Variants in BACE2 observed in about 807,000 individuals in gnomAD.
BACE2 encodes the protein beta-secretase 2.
In BACE2, 17 loss-of-function variants were observed where a neutral mutation model predicts 46.2. The ratio of observed to expected loss-of-function variants is 0.37; its 90% CI spans 0.25 to 0.55. The LOEUF is 0.55. Ranked by LOEUF, BACE2 falls within the 20% of genes least tolerant of loss-of-function variation. The pLI is 0.82. For missense variants in BACE2, 595 were observed against 698.1 expected (o/e 0.85, Z 1.66); for synonymous variants, 277 against 295.9 (o/e 0.94, Z 0.66).
At chr21:41,177,396 AG>A in intron 1 of BACE2, 1 of 152,402 alleles carries the variant, frequency 6.6e-6, no homozygotes. Flanking sequence ...AAAATAAGGC[AG>A]CCCTTCCCTC....
chr21:41,201,859 A>G (rs376747127), intron 1 of BACE2, among the ~76,000 whole-genome samples: 2 of 152,230 alleles, frequency 1.3e-5, no homozygotes, highest in Non-Finnish European at 2.9e-5. Context: ...GCAGTAATCA[A>G]TATTTCCCAA....
intron 1 of BACE2, among the ~76,000 whole-genome samples, chr21:41,210,497 T>G (rs914180): frequency 1.3e-5 from 2 of 152,048 alleles, no homozygotes; most frequent in Admixed American, 1.3e-4. Context: ...TCTGTTCTCA[T>G]GGCACAGCGT....
chr21:41,216,134 C>G (rs1986459977), intron 1 of BACE2, among the ~76,000 whole-genome samples: 1 of 152,068 alleles, frequency 6.6e-6, no homozygotes, highest in South Asian at 2.1e-4. Flanking sequence ...GTGGTTGAGG[C>G]TACTTGTGAA....
rs891577259 is a variant in BACE2, at chr21:41,278,715, A to G, written c.*3091A>G. 9 of 152,172 alleles carry G rather than the reference A, an allele frequency of 5.9e-5. No individual in the cohort carries two copies. The highest frequency in any genetic ancestry group is 2.2e-4 in the African/African-American group (9 of 41,444). The allele number at this position is 152,172 out of a possible 1,614,324, so 9.4% of individuals were successfully genotyped here. ...CCATCATTTCATTTAAGAGGTGAAG[A>G]GGGATTTAATTATTTAATACGCCGG... is the stretch of plus-strand genomic sequence containing the variant. On this transcript the variant is annotated 3_prime_UTR_variant, in exon 9 of 9. Coordinates refer to ENST00000330333, the MANE Select transcript of BACE2 (RefSeq NM_012105.5).
At chr21:41,232,699 C>T (rs115526096) in intron 2 of BACE2, among the ~76,000 whole-genome samples, 2,289 of 152,230 alleles carry the variant, frequency 0.015, 65 homozygotes, top group African/African-American at 0.052. Context: ...CCCCTTCGCC[C>T]TCCACCTTGA....
At chr21:41,206,926 CT>C (rs1350180344) in intron 1 of BACE2, among the ~76,000 whole-genome samples, 2 of 152,094 alleles carry the variant, frequency 1.3e-5, no homozygotes, top group Admixed American at 1.3e-4. Flanking sequence ...TTATCTCTTT[CT>C]TTTTTTATGT....
At chr21:41,221,056 A>AC (rs1208214979) in intron 1 of BACE2, among the ~76,000 whole-genome samples, 4 of 151,750 alleles carry the variant, frequency 2.6e-5, no homozygotes, top group Admixed American at 6.6e-5. Context: ...AAAAAAAAAA[A>AC]AAAAAACAGT....
At chr21:41,209,466 T>C (rs2123543434) in intron 1 of BACE2, among the ~76,000 whole-genome samples, 1 of 152,296 alleles carries the variant, frequency 6.6e-6, no homozygotes, top group East Asian at 1.9e-4. Context: ...AGTGCAGAGA[T>C]AAGGAATGCC....
At chr21:41,176,490 C>T (rs1212540741) in intron 1 of BACE2, 2 of 152,296 alleles carry the variant, frequency 1.3e-5, no homozygotes, top group African/African-American at 4.8e-5. Context: ...TTTAAGCAGC[C>T]ACGCTGGCCC....
chr21:41,231,135 GAT>G (rs1986957965), intron 2 of BACE2, among the ~76,000 whole-genome samples: 1 of 152,174 alleles, frequency 6.6e-6, no homozygotes, highest in African/African-American at 2.4e-5. Flanking sequence ...AATGAGGACA[GAT>G]ATTTTTACCT....
chr21:41,250,479 G>A (rs1987605384), intron 6 of BACE2, among the ~76,000 whole-genome samples: 1 of 152,218 alleles, frequency 6.6e-6, no homozygotes, highest in East Asian at 1.9e-4. Context: ...CTATCACACT[G>A]GTTGAGAATT....
At chr21:41,174,878 A>G (rs1984753796) in intron 1 of BACE2, among the ~76,000 whole-genome samples, 1 of 152,128 alleles carries the variant, frequency 6.6e-6, no homozygotes, top group Non-Finnish European at 1.5e-5. Context: ...TGTTAAGGTA[A>G]CAGATACTAC....
chr21:41,242,414 A>G (rs763634971), intron 4 of BACE2, among the ~76,000 whole-genome samples: 20 of 152,024 alleles, frequency 1.3e-4, no homozygotes, highest in Non-Finnish European at 2.5e-4. Context: ...AAACAGAATC[A>G]AGGCCGTCAG....
chr21:41,173,489 C>T (rs528185532), intron 1 of BACE2, among the ~76,000 whole-genome samples: 4 of 152,172 alleles, frequency 2.6e-5, no homozygotes, highest in Non-Finnish European at 5.9e-5. Context: ...TGCCTGTAAT[C>T]CCAGCACTTT....
At chr21:41,210,516 T>A (rs1159371610) in intron 1 of BACE2, among the ~76,000 whole-genome samples, 1 of 152,184 alleles carries the variant, frequency 6.6e-6, no homozygotes. Flanking sequence ...GTCTTCTTTT[T>A]CTCCAGCAGC....
intron 8 of BACE2, among the ~76,000 whole-genome samples, chr21:41,265,973 T>G (rs1270656112): frequency 6.6e-6 from 1 of 152,164 alleles, no homozygotes. Flanking sequence ...CTACCCCCAT[T>G]GTTATAACAT....
intron 1 of BACE2, among the ~76,000 whole-genome samples, chr21:41,211,100 A>G (rs1259721338): frequency 2.0e-5 from 3 of 152,130 alleles, no homozygotes; most frequent in African/African-American, 7.2e-5. Flanking sequence ...ACACTGCTAA[A>G]TGCTAAGCAT....
At chr21:41,230,582 A>G (rs566182496) in intron 2 of BACE2, among the ~76,000 whole-genome samples, 1 of 152,206 alleles carries the variant, frequency 6.6e-6, no homozygotes, top group African/African-American at 2.4e-5. Flanking sequence ...GATCTCTCTT[A>G]GTTATAATAA....
chr21:41,271,212 G>A (rs1222071102), intron 8 of BACE2, among the ~76,000 whole-genome samples: 1 of 147,964 alleles, frequency 6.8e-6, no homozygotes, highest in Admixed American at 6.6e-5. Context: ...TTTCCTGTAG[G>A]GAGAATATAC....
Sources: gnomAD v4.1 joint callset for allele counts (sites outside exome capture counted in the v4.1 genomes callset) on GRCh38, gnomAD v4.1.1 for gene constraint, MANE v1.5 for transcripts, NCBI Gene and HGNC (gene_info 2026-07-23, HGNC 2026-07-21) for gene names.